NPLOC4: variants seen among roughly 807,000 people sequenced by gnomAD.
NPLOC4 encodes the protein nuclear protein localization protein 4 homolog.
A neutral mutation model predicts 80.6 loss-of-function variants in NPLOC4; 18 were observed. That is an observed-to-expected ratio of 0.22 (90% confidence interval 0.15 to 0.33). The LOEUF (loss-of-function observed/expected upper bound fraction) is 0.33. Ranked by LOEUF, NPLOC4 falls within the 10% of genes least tolerant of loss-of-function variation. NPLOC4 has a pLI of 1.00. For missense variants in NPLOC4, 540 were observed against 786.1 expected (o/e 0.69, Z 3.74); for synonymous variants, 313 against 301.5 (o/e 1.04, Z -0.39).
At chr17:81,634,315 A>G (rs764798068) in intron 1 of NPLOC4, among the ~76,000 whole-genome samples, 5 of 152,110 alleles carry the variant, frequency 3.3e-5, no homozygotes, top group Admixed American at 6.6e-5. Context: ...AACTTTTCAA[A>G]AGATCTCTTT....
intron 11 of NPLOC4, among the ~76,000 whole-genome samples, chr17:81,591,350 GCTTGA>G (rs771502617): frequency 4.0e-4 from 60 of 149,152 alleles, no homozygotes; most frequent in Non-Finnish European, 7.4e-4. Context: ...CAGGAGAATC[GCTTGA>G]CCCCAGGTAG....
At chr17:81,560,952 G>A (rs983486326) in intron 16 of NPLOC4, 2 of 152,050 alleles carry the variant, frequency 1.3e-5, no homozygotes, top group African/African-American at 4.8e-5. Flanking sequence ...TTTCCCTGAT[G>A]ACTAATGATA....
At chr17:81,615,878 G>T (rs1474339210) in intron 3 of NPLOC4, among the ~76,000 whole-genome samples, 1 of 152,154 alleles carries the variant, frequency 6.6e-6, no homozygotes, top group East Asian at 1.9e-4. Context: ...TGTAACTAAA[G>T]GCCTGCTGGG....
At position 81,602,915 on chromosome 17, in the gene NPLOC4, GTATATATACACACACACA is replaced by G. The variant is rs1479420812; in HGVS notation, c.834+1615_834+1632del. 4.1e-4 allele frequency among the ~76,000 whole-genome samples: 53 copies of G among 128,790 alleles called. 3 individuals carry two copies. The South Asian group carries it at 0.012, about 30-fold the overall frequency. 84.5% of individuals were successfully genotyped at this position (128,790 alleles called of 152,430 possible). On this transcript the variant is annotated intron_variant, in intron 8 of 16. Transcript: ENST00000331134. ...TATATACACATACATACATATATAT[GTATATATACACACACACA>G]TATATATATACACACACATATATAT... is the stretch of plus-strand genomic sequence containing the variant.
intron 1 of NPLOC4, among the ~76,000 whole-genome samples, chr17:81,631,320 A>G (rs57660144): frequency 0.046 from 6,957 of 151,238 alleles, 278 homozygotes; most frequent in East Asian, 0.22. Flanking sequence ...CAAGGCAGGA[A>G]GATCTCTTTA....
rs986412188 is a variant in NPLOC4 at position 81,624,784 on chromosome 17, G to A, written c.97-2506C>T. 3.9e-5 allele frequency among the ~76,000 whole-genome samples: 6 copies of A among 152,304 alleles called. No individual in the cohort carries two copies. In the East Asian group the frequency reaches 1.2e-3, roughly 29 times the overall value. ...GCAGGGCCCACCCAGCGGTGGGTAA[G>A]CCCGCCACACGCGAGCTGGGAGAAA... On this transcript the variant is annotated intron_variant, in intron 2 of 16. Coordinates refer to ENST00000331134, the MANE Select transcript of NPLOC4 (RefSeq NM_017921.4).
chr17:81,586,294 T>A (rs2034580137), intron 12 of NPLOC4, among the ~76,000 whole-genome samples: 1 of 152,058 alleles, frequency 6.6e-6, no homozygotes, highest in African/African-American at 2.4e-5. Context: ...TTCTCTCCCC[T>A]CAAGATGTTT....
At chr17:81,614,302 A>C (rs1312743447) in intron 3 of NPLOC4, 2 of 147,806 alleles carry the variant, frequency 1.4e-5, no homozygotes, top group African/African-American at 5.0e-5. Context: ...AAAAAGTGGG[A>C]TTACCAGAGA....
rs766605718 is a variant in NPLOC4, at chr17:81,559,296, G to T, written c.1790C>A (p.Thr597Lys). 1 of 1,606,052 alleles carries T rather than the reference G, an allele frequency of 6.2e-7. No individual in the cohort carries two copies. Among genetic ancestry groups the T allele is most frequent in the South Asian group, 1.1e-5 (1 of 89,506 alleles). ...QHCTFMNQPG[T>K]GHCEMCSLPR... ...GAGGCTGCACATCTCGCAGTGGCCTGTGCCTGGCTGGTTCATGAACGTGCA... is the reference window on the plus strand; with the variant it reads ...GAGGCTGCACATCTCGCAGTGGCCTTTGCCTGGCTGGTTCATGAACGTGCA... Residue 597 changes from threonine (T) to lysine (K), a missense_variant, in exon 17 of 17, where the codon ACA (threonine) becomes AAA (lysine). Thr to Lys is a moderately conservative substitution (Grantham distance 78, BLOSUM62 -1). Around this residue, in one of 6 missense-constraint regions of NPLOC4, gnomAD observed 87 missense variants for 70.3 expected, o/e 1.24. Transcript: ENST00000331134.
At chr17:81,616,182 G>A (rs1454506305) in intron 3 of NPLOC4, among the ~76,000 whole-genome samples, 1 of 151,608 alleles carries the variant, frequency 6.6e-6, no homozygotes, top group East Asian at 1.9e-4. Context: ...TTAGCCGGGG[G>A]TGGTGGCGGG....
Position 81,629,710 on chromosome 17 carries a change from C to A in NPLOC4, c.96+15G>T. On this transcript the variant is annotated intron_variant, in intron 2 of 16. Transcript: ENST00000331134. The stretch of plus-strand genomic sequence containing the variant: ...TGAAAAATATCCTGAGGGTCAATAC[C>A]CAGGCCACAGATACCTTTTTCAAAA... 1 of 1,594,078 alleles carries A rather than the reference C, an allele frequency of 6.3e-7. No homozygotes were observed. Among genetic ancestry groups the A allele is most frequent in the East Asian group, 2.2e-5 (1 of 44,778 alleles).
intron 12 of NPLOC4, among the ~76,000 whole-genome samples, chr17:81,579,922 A>C (rs1186797896): frequency 1.4e-5 from 2 of 148,094 alleles, no homozygotes; most frequent in Admixed American, 6.7e-5. Context: ...CTGTGAGCTC[A>C]CTCTCGGCAG....
intron 16 of NPLOC4, chr17:81,563,869 ATAC>A (rs1253925111): frequency 6.6e-6 from 3 of 452,518 alleles, no homozygotes; most frequent in Non-Finnish European, 1.3e-5. Context: ...AGCAAACCAA[ATAC>A]TACATGTTTT....
chr17:81,586,934 T>C (rs997486027), intron 12 of NPLOC4, among the ~76,000 whole-genome samples: 5 of 152,190 alleles, frequency 3.3e-5, no homozygotes, highest in Non-Finnish European at 7.3e-5. Flanking sequence ...ACATTTCCCA[T>C]GGAGGAAAGG....
chr17:81,564,823 G>A (rs558712291), intron 16 of NPLOC4: 2 of 155,944 alleles, frequency 1.3e-5, no homozygotes, highest in African/African-American at 4.8e-5. Flanking sequence ...TGGTATAAAG[G>A]TGTTTGATGT....
chr17:81,618,565 C>A (rs1402347181), intron 3 of NPLOC4, among the ~76,000 whole-genome samples: 1 of 76,854 alleles, frequency 1.3e-5, no homozygotes. Flanking sequence ...CGGCCAGCCG[C>A]CCCGTCCGGG....
intron 8 of NPLOC4, 27 bp downstream of exon 8, chr17:81,604,521 C>A: frequency 6.2e-7 from 1 of 1,603,296 alleles, no homozygotes; most frequent in Non-Finnish European, 8.5e-7. Context: ...CACAGAAACT[C>A]AGGAACTTGA....
In NPLOC4 at chr17:81,635,930, G is replaced by T. The variant is rs1206762578; in HGVS notation, c.15+986C>A. Reference sequence around the variant, plus strand: ...CAACTTAACGAGGGACTGGTTTTCTGATTTGTCACTGATATTTTTTACGTT... The same window carrying T: ...CAACTTAACGAGGGACTGGTTTTCTTATTTGTCACTGATATTTTTTACGTT... On this transcript the variant is annotated intron_variant, in intron 1 of 16. Transcript: ENST00000331134. Among the ~76,000 whole-genome samples the T allele has an allele frequency of 2.9e-5, 4 of 137,812 alleles. No individual in the cohort carries two copies. In the East Asian group the frequency reaches 9.4e-4, roughly 32 times the overall value. The allele number at this position is 137,812 out of a possible 152,430, so 90.4% of individuals were successfully genotyped here.
intron 11 of NPLOC4, among the ~76,000 whole-genome samples, chr17:81,589,358 G>A (rs62074666): frequency 0.071 from 10,723 of 151,848 alleles, 520 homozygotes; most frequent in Middle Eastern, 0.17. Flanking sequence ...GTGAAACCCC[G>A]TCCCTACTAA....
Sources: allele counts gnomAD v4.1 joint callset (sites outside exome capture counted in the v4.1 genomes callset), GRCh38; gene constraint gnomAD v4.1.1; regional missense constraint gnomAD v4.1.1; transcripts MANE v1.5; gene names NCBI Gene and HGNC (gene_info 2026-07-23, HGNC 2026-07-21).